ACSM2A: variants seen among roughly 807,000 people sequenced by gnomAD.
ACSM2A encodes acyl-coenzyme A synthetase ACSM2A, mitochondrial.
ACSM2A carries 72 observed loss-of-function variants against 76.6 expected under a neutral mutation model. That is an observed-to-expected ratio of 0.94 (90% confidence interval 0.78 to 1.14). The LOEUF (loss-of-function observed/expected upper bound fraction) is 1.14. ACSM2A is among the 50% of genes most tolerant of loss of function. ACSM2A has a pLI of 0.00. For missense variants in ACSM2A, 684 were observed against 708.5 expected, an observed-to-expected ratio of 0.97 and a Z score of 0.39; for synonymous variants, 249 against 255.9, an observed-to-expected ratio of 0.97 and a Z score of 0.26.
chr16:20,473,952 T>A (rs2013572260), intron 6 of ACSM2A: 1 of 415,210 alleles, frequency 2.4e-6, no homozygotes. Context: ...TTTCTATTGA[T>A]CCCAGGTCTT....
chr16:20,486,928 A>G lies in ACSM2A; in HGVS notation c.*250A>G. On this transcript the variant is annotated 3_prime_UTR_variant, in exon 14 of 14. Coordinates refer to ENST00000573854, the MANE Select transcript of ACSM2A (RefSeq NM_001308172.2). ...AGAAAAGTAAGTCAGGGAAATATTAAAACTGCAAGGGAAAGCAATTGAAAA... is the reference window on the plus strand; with the variant it reads ...AGAAAAGTAAGTCAGGGAAATATTAGAACTGCAAGGGAAAGCAATTGAAAA... 1 of 393,076 alleles carries G rather than the reference A, an allele frequency of 2.5e-6. No homozygotes were observed. 24.3% of individuals were successfully genotyped at this position (393,076 alleles called of 1,614,324 possible).
Position 20,469,844 on chromosome 16 carries a change from G to T in ACSM2A, c.596+125G>T, listed in dbSNP as rs2013269312. On this transcript the variant is annotated intron_variant, in intron 4 of 13. Transcript: ENST00000573854. ...GCATGGGACTAGGAAGAGTGAAGCT[G>T]GGAAGAAATAAAAGCTAACACAAGG... is the stretch of plus-strand genomic sequence containing the variant. 1.1e-5 allele frequency: 14 copies of T among 1,302,792 alleles called. No homozygotes were observed. In the Admixed American group the frequency reaches 2.3e-4, roughly 21 times the overall value. The allele number at this position is 1,302,792 out of a possible 1,614,324, so 80.7% of individuals were successfully genotyped here. A position where few individuals can be genotyped will look rare whatever the true frequency, so the allele number is the denominator to read the frequency against.
chr16:20,461,940 G>A (rs1316674383), intron 2 of ACSM2A, among the ~76,000 whole-genome samples: 3 of 152,150 alleles, frequency 2.0e-5, no homozygotes, highest in Non-Finnish European at 4.4e-5. Flanking sequence ...AGGAATGGGT[G>A]CTACTGATTG....
In ACSM2A at chr16:20,469,684, C is replaced by G. The variant is rs773136767; in HGVS notation, c.561C>G (p.Ser187Arg). ...LRIKLLVSEK[S>R]CDGWLNFKKL... is the part of the protein sequence containing the mutation. Reference sequence around the variant, plus strand: ...TTAAGCTACTGGTGTCTGAGAAAAGCTGTGATGGGTGGCTGAACTTCAAGA... The same window carrying G: ...TTAAGCTACTGGTGTCTGAGAAAAGGTGTGATGGGTGGCTGAACTTCAAGA... The change falls in exon 4 of 14, where the codon AGC becomes AGG. Residue 187 changes from serine to arginine, a missense_variant. Around this residue, in one of 3 missense-constraint regions of ACSM2A, gnomAD observed 519 missense variants for 549.5 expected, o/e 0.94. Coordinates refer to ENST00000573854, the MANE Select transcript of ACSM2A (RefSeq NM_001308172.2). The G allele has an allele frequency of 2.5e-6, 4 of 1,613,776 alleles. No homozygotes were observed. The highest frequency in any genetic ancestry group is 3.4e-6 in the Non-Finnish European group (4 of 1,179,790).
chr16:20,485,871 C>G (rs2014357277), intron 13 of ACSM2A, among the ~76,000 whole-genome samples: 1 of 152,224 alleles, frequency 6.6e-6, no homozygotes, highest in Non-Finnish European at 1.5e-5. Flanking sequence ...AGCCATATCA[C>G]TGGAAGCCTC....
intron 10 of ACSM2A, 23 bp from the exon 11 acceptor site, chr16:20,480,550 C>A: frequency 6.2e-7 from 1 of 1,610,596 alleles, no homozygotes; most frequent in Non-Finnish European, 8.5e-7. Flanking sequence ...GGCACAATGA[C>A]TCTGTCTTTC....
At chr16:20,471,357 G>A in intron 5 of ACSM2A, 141 bp downstream of exon 5, 2 of 1,497,732 alleles carry the variant, frequency 1.3e-6, no homozygotes, top group Non-Finnish European at 1.8e-6. Flanking sequence ...AGGATGTGTG[G>A]ATAGAACAAC....
chr16:20,458,833 T>A (rs1423585900), intron 1 of ACSM2A, among the ~76,000 whole-genome samples: 2 of 142,158 alleles, frequency 1.4e-5, no homozygotes, highest in Non-Finnish European at 1.5e-5. Context: ...TAAATATATA[T>A]AAAAAAGAAT....
intron 12 of ACSM2A, chr16:20,481,337 G>GA (rs538467071): frequency 1.4e-3 from 274 of 193,756 alleles, no homozygotes; most frequent in African/African-American, 6.1e-3. Context: ...TCCAGTGGAT[G>GA]AAAGGATAAA....
chr16:20,465,383 C>A (rs2141706979), intron 2 of ACSM2A, 134 bp from the exon 3 acceptor site: 1 of 1,188,564 alleles, frequency 8.4e-7, no homozygotes, highest in Non-Finnish European at 1.2e-6. Context: ...ATTTTCAATA[C>A]CTTTTAAGAT....
chr16:20,479,571 G>A (rs1189377370), intron 10 of ACSM2A, among the ~76,000 whole-genome samples: 1 of 152,128 alleles, frequency 6.6e-6, no homozygotes, highest in Non-Finnish European at 1.5e-5. Flanking sequence ...TAAAAGAATT[G>A]TTGTAGATCC....
intron 4 of ACSM2A, 178 bp from the exon 5 acceptor site, chr16:20,470,895 C>T: frequency 1.0e-6 from 1 of 992,506 alleles, no homozygotes. Flanking sequence ...CAGTAGTTTT[C>T]AAACCCAACT....
intron 13 of ACSM2A, 70 bp downstream of exon 13, chr16:20,483,247 T>A: frequency 6.3e-7 from 1 of 1,589,714 alleles, no homozygotes; most frequent in Non-Finnish European, 8.6e-7. Context: ...ATTTATCTTC[T>A]TCAGGAGGAG....
intron 8 of ACSM2A, chr16:20,476,309 A>T: frequency 4.1e-6 from 4 of 978,444 alleles, no homozygotes; most frequent in Non-Finnish European, 4.9e-6. Context: ...ATACTATTTT[A>T]CTTATCAAAA....
chr16:20,479,332 C>G (rs942598482), intron 10 of ACSM2A, among the ~76,000 whole-genome samples: 7 of 152,108 alleles, frequency 4.6e-5, no homozygotes, highest in African/African-American at 1.7e-4. Flanking sequence ...TTATTGAATG[C>G]ATATCATGAG....
Position 20,478,636 on chromosome 16 carries a change from G to A in ACSM2A, c.1240G>A (p.Val414Ile), listed in dbSNP as rs1265917217. 1.2e-6 allele frequency: 2 copies of A among 1,613,776 alleles called. No homozygotes were observed. Among genetic ancestry groups the A allele is most frequent in the Non-Finnish European group, 8.5e-7 (1 of 1,179,858 alleles). The change falls in exon 10 of 14, where the codon GTC becomes ATC. Residue 414 changes from valine (V) to isoleucine (I), a missense_variant. Around this residue, in one of 3 missense-constraint regions of ACSM2A, gnomAD observed 519 missense variants for 549.5 expected, o/e 0.94. Transcript: ENST00000573854. ...PGTEGDIGIR[V>I]KPIRPIGIFS... ...CACAGAAGGAGACATTGGCATCAGG[G>A]TCAAACCCATCAGGCCTATAGGCAT...
intron 13 of ACSM2A, 32 bp downstream of exon 13, chr16:20,483,209 C>G (rs778545036): frequency 1.2e-6 from 2 of 1,608,660 alleles, no homozygotes; most frequent in East Asian, 2.2e-5. Flanking sequence ...GTCACTCAAA[C>G]TTGAGAAATA....
chr16:20,451,950 T>A (rs917141314), intron 1 of ACSM2A: 1 of 150,908 alleles, frequency 6.6e-6, no homozygotes, highest in Admixed American at 6.6e-5. Context: ...CAGAGAAGGA[T>A]GAATCTCAGA....
intron 4 of ACSM2A, chr16:20,470,741 T>C (rs2013336578): frequency 1.0e-5 from 5 of 502,186 alleles, no homozygotes; most frequent in Middle Eastern, 3.0e-4. Flanking sequence ...ATTTATTGAG[T>C]TCTTACTAAG....
Sources: gnomAD v4.1 joint callset for allele counts (sites outside exome capture counted in the v4.1 genomes callset) on GRCh38, gnomAD v4.1.1 for gene constraint, gnomAD v4.1.1 regional missense constraint, MANE v1.5 for transcripts, NCBI Gene and HGNC (gene_info 2026-07-23, HGNC 2026-07-21) for gene names.